Variants in CACNA2D3 observed in about 807,000 individuals in gnomAD.
CACNA2D3 encodes the protein voltage-dependent calcium channel subunit alpha-2/delta-3.
CACNA2D3 carries 60 observed loss-of-function variants against 160.6 expected under a neutral mutation model. That is an observed-to-expected ratio of 0.37 (90% CI 0.30 to 0.46). The LOEUF is 0.46. CACNA2D3 is among the 20% of genes least tolerant of loss of function. The probability of loss-of-function intolerance (pLI) is 1.00; values close to 1 mark genes in which losing one functional copy is unlikely to be tolerated. For missense variants in CACNA2D3, 1,205 were observed against 1,365.0 expected (o/e 0.88, Z 1.85); for synonymous variants, 558 against 492.9 (o/e 1.13, Z -1.75).
At chr3:54,509,801 T>C (rs1302607108) in intron 5 of CACNA2D3, among the ~76,000 whole-genome samples, 1 of 152,258 alleles carries the variant, frequency 6.6e-6, no homozygotes, top group Admixed American at 6.5e-5. Flanking sequence ...TTGGAAATTA[T>C]ATTTTATATG....
At chr3:54,997,477 G>T (rs1702883845) in intron 31 of CACNA2D3, among the ~76,000 whole-genome samples, 3 of 152,032 alleles carry the variant, frequency 2.0e-5, no homozygotes, top group Non-Finnish European at 4.4e-5. Flanking sequence ...CTAGGTGGGG[G>T]AAGTGCTTGA....
intron 17 of CACNA2D3, among the ~76,000 whole-genome samples, chr3:54,848,707 G>A (rs1698989228): frequency 2.0e-5 from 3 of 152,176 alleles, no homozygotes; most frequent in African/African-American, 7.2e-5. Flanking sequence ...CATAGTGGGA[G>A]GGACTCAATT....
chr3:54,740,616 C>G (rs2107040749), intron 11 of CACNA2D3, among the ~76,000 whole-genome samples: 1 of 152,294 alleles, frequency 6.6e-6, no homozygotes, highest in South Asian at 2.1e-4. Flanking sequence ...ACCTGTCTGC[C>G]TTTTGGAGAA....
At chr3:54,832,117 G>A (rs1703894689) in intron 14 of CACNA2D3, among the ~76,000 whole-genome samples, 1 of 151,462 alleles carries the variant, frequency 6.6e-6, no homozygotes, top group Non-Finnish European at 1.5e-5. Flanking sequence ...TGTGGCAAGG[G>A]GACACGGCTG....
chr3:54,851,238 C>G (rs1699051221), intron 17 of CACNA2D3, among the ~76,000 whole-genome samples: 1 of 152,094 alleles, frequency 6.6e-6, no homozygotes, highest in African/African-American at 2.4e-5. Context: ...TATTATGTGC[C>G]TTGGAAAGGC....
At chr3:54,854,348 G>A (rs565711056) in intron 17 of CACNA2D3, among the ~76,000 whole-genome samples, 3 of 152,326 alleles carry the variant, frequency 2.0e-5, no homozygotes, top group South Asian at 2.1e-4. Context: ...GTCTGGGCAC[G>A]AGTGGACAGA....
intron 5 of CACNA2D3, among the ~76,000 whole-genome samples, chr3:54,507,825 A>T (rs2106954532): frequency 6.6e-6 from 1 of 152,236 alleles, no homozygotes; most frequent in Admixed American, 6.5e-5. Flanking sequence ...TGCATACAAT[A>T]CCTGTGCCTC....
At chr3:54,345,782 T>C (rs140054363) in intron 3 of CACNA2D3, among the ~76,000 whole-genome samples, 1 of 152,056 alleles carries the variant, frequency 6.6e-6, no homozygotes, top group Non-Finnish European at 1.5e-5. Flanking sequence ...AGAGTCTAAG[T>C]CTTTGCAATC....
intron 3 of CACNA2D3, among the ~76,000 whole-genome samples, chr3:54,378,835 G>T (rs1402716648): frequency 6.6e-6 from 1 of 152,200 alleles, no homozygotes; most frequent in Non-Finnish European, 1.5e-5. Flanking sequence ...TCCATCTTCA[G>T]CAGCTTTGCA....
intron 27 of CACNA2D3, among the ~76,000 whole-genome samples, chr3:54,955,241 G>C (rs536912489): frequency 6.6e-6 from 1 of 152,256 alleles, no homozygotes; most frequent in East Asian, 1.9e-4. Context: ...CAGACATTAG[G>C]GAAGGTGAGG....
chr3:54,786,112 C>T (rs1270587330), intron 13 of CACNA2D3, among the ~76,000 whole-genome samples: 1 of 152,158 alleles, frequency 6.6e-6, no homozygotes, highest in Non-Finnish European at 1.5e-5. Context: ...AGAAAGGGAC[C>T]ACCTATTACT....
intron 3 of CACNA2D3, among the ~76,000 whole-genome samples, chr3:54,354,458 A>C (rs953542572): frequency 1.3e-5 from 2 of 152,158 alleles, no homozygotes; most frequent in African/African-American, 4.8e-5. Flanking sequence ...ATGCAAGTAT[A>C]ATTTAAAAAA....
chr3:54,244,259 A>G (rs1351492135), intron 2 of CACNA2D3, among the ~76,000 whole-genome samples: 1 of 152,180 alleles, frequency 6.6e-6, no homozygotes, highest in Non-Finnish European at 1.5e-5. Context: ...AGCGCCCCGA[A>G]TCTGTGGCCT....
intron 14 of CACNA2D3, among the ~76,000 whole-genome samples, chr3:54,823,036 G>T (rs1443736521): frequency 6.6e-6 from 1 of 151,656 alleles, no homozygotes; most frequent in African/African-American, 2.4e-5. Flanking sequence ...TGTATTTTTA[G>T]TAGAGACAGA....
chr3:54,630,325 TTC>T (rs935835903), intron 10 of CACNA2D3, among the ~76,000 whole-genome samples: 3 of 152,146 alleles, frequency 2.0e-5, no homozygotes, highest in African/African-American at 7.2e-5. Flanking sequence ...TTCCTCTATT[TTC>T]TGTTCCTTTC....
chr3:54,485,479 T>C (rs1236591973), intron 4 of CACNA2D3, among the ~76,000 whole-genome samples: 1 of 152,178 alleles, frequency 6.6e-6, no homozygotes, highest in Non-Finnish European at 1.5e-5. Context: ...CGTCTAGCAA[T>C]CAGTGTCATT....
chr3:55,074,111 T>A lies in CACNA2D3; in HGVS notation c.3184-3T>A. 2 of 1,612,030 alleles carry A rather than the reference T, an allele frequency of 1.2e-6. No individual in the cohort carries two copies. Among genetic ancestry groups the A allele is most frequent in the Non-Finnish European group, 1.7e-6 (2 of 1,178,066 alleles). On this transcript the variant is annotated splice_region_variant and splice_polypyrimidine_tract_variant and intron_variant, in intron 37 of 37. Transcript: ENST00000474759. ...TCTAACCAACCCCTGCCTTTCCCCA[T>A]AGGAGAATGCAAGGGAGTGTGGGGG... is the stretch of plus-strand genomic sequence containing the variant.
At chr3:54,472,367 C>A (rs979640206) in intron 4 of CACNA2D3, among the ~76,000 whole-genome samples, 2 of 152,170 alleles carry the variant, frequency 1.3e-5, no homozygotes, top group Non-Finnish European at 2.9e-5. Context: ...TAAAAACTTT[C>A]AATAAACTAG....
intron 27 of CACNA2D3, among the ~76,000 whole-genome samples, chr3:54,926,220 C>A (rs778203053): frequency 2.6e-5 from 4 of 152,116 alleles, no homozygotes; most frequent in Non-Finnish European, 5.9e-5. Context: ...CATTTTGAGC[C>A]ACCTACCATT....
Sources: allele counts gnomAD v4.1 joint callset (sites outside exome capture counted in the v4.1 genomes callset), GRCh38; gene constraint gnomAD v4.1.1; transcripts MANE v1.5; gene names NCBI Gene and HGNC (gene_info 2026-07-23, HGNC 2026-07-21).